The following MYF5 variants were observed in gnomAD, a reference collection of about 807,000 sequenced individuals.
MYF5 encodes the protein class C basic helix-loop-helix protein 2.
A neutral mutation model predicts 22.3 loss-of-function variants in MYF5; 20 were observed. That is an observed-to-expected ratio of 0.90 (90% CI 0.63 to 1.30). MYF5 has a LOEUF of 1.30. MYF5 is among the 50% of genes most tolerant of loss of function. The pLI, the probability that MYF5 is intolerant of heterozygous loss-of-function variation, is 0.00. For missense variants in MYF5, 348 were observed against 325.9 expected, an observed-to-expected ratio of 1.07 and a Z score of -0.52; for synonymous variants, 141 against 128.4, an observed-to-expected ratio of 1.10 and a Z score of -0.66.
Position 80,717,573 on chromosome 12 carries a change from T to C in MYF5, c.501+9T>C. ...ACTGCTCTGATGGCATGGTAAGCAATAGATCTGGTACCTGCTAGGCTACCC... is the reference window on the plus strand; with the variant it reads ...ACTGCTCTGATGGCATGGTAAGCAACAGATCTGGTACCTGCTAGGCTACCC... On this transcript the variant is annotated intron_variant, in intron 1 of 2. Coordinates refer to ENST00000228644, the MANE Select transcript of MYF5 (RefSeq NM_005593.3). The C allele has an allele frequency of 1.2e-6, 2 of 1,612,064 alleles. No individual in the cohort carries two copies. Among genetic ancestry groups the C allele is most frequent in the South Asian group, 1.1e-5 (1 of 90,986 alleles).
rs1163261 is a variant in MYF5, at chr12:80,716,986, A to G, written c.-78A>G. On this transcript the variant is annotated 5_prime_UTR_variant, in exon 1 of 3. Transcript: ENST00000228644. Reference sequence around the variant, plus strand: ...AGGGAGCTCCGCCCGGGATTTGCCCATCGGCGGAGGCGCCAGGCTCCCGTT... The same window carrying G: ...AGGGAGCTCCGCCCGGGATTTGCCCGTCGGCGGAGGCGCCAGGCTCCCGTT... 0.4 allele frequency: 614,255 copies of G among 1,517,218 alleles called. 131,451 individuals carry two copies. The highest frequency in any genetic ancestry group is 0.8 in the African/African-American group (58,521 of 72,980). 94.0% of individuals were successfully genotyped at this position (1,517,218 alleles called of 1,614,324 possible).
Position 80,717,482 on chromosome 12 carries a change from A to G in MYF5, c.419A>G (p.Glu140Gly), listed in dbSNP as rs377325364. 1.2e-6 allele frequency: 2 copies of G among 1,614,012 alleles called. No homozygotes were observed. The highest frequency in any genetic ancestry group is 2.7e-5 in the African/African-American group (2 of 74,918). Residue 140 changes from glutamate to glycine, a missense_variant, in exon 1 of 3, where the codon GAG becomes GGG. Glu to Gly is a moderately conservative substitution (Grantham distance 98). Coordinates refer to ENST00000228644, the MANE Select transcript of MYF5 (RefSeq NM_005593.3). ...YIESLQELLR[E>G]QVENYYSLPG... ...GAGAGCCTGCAGGAGTTGCTGAGAG[A>G]GCAGGTGGAGAACTACTATAGCCTG...
rs749750904 is a variant in MYF5 at position 80,718,374 on chromosome 12, C to T, written c.518C>T (p.Pro173Leu). 6.2e-7 allele frequency: 1 copy of T among 1,614,042 alleles called. No homozygotes were observed. The highest frequency in any genetic ancestry group is 1.1e-5 in the South Asian group (1 of 91,078). Reference sequence around the variant, plus strand: ...GTATTATAGCCCGAATGTAACAGTCCTGTCTGGTCCAGAAAGAGCAGTACT... The same window carrying T: ...GTATTATAGCCCGAATGTAACAGTCTTGTCTGGTCCAGAAAGAGCAGTACT... ...CSDGMPECNSPVWSRKSSTFD... is the reference protein window; with the variant it reads ...CSDGMPECNSLVWSRKSSTFD... Residue 173 changes from proline (P) to leucine (L), a missense_variant, in exon 2 of 3, where the codon CCT becomes CTT. Physicochemically the swap from Pro to Leu is moderately conservative, Grantham distance 98 (BLOSUM62 -3). Transcript: ENST00000228644.
At position 80,716,953 on chromosome 12, in the gene MYF5, G is replaced by T. The variant is rs1868614200; in HGVS notation, c.-111G>T. On this transcript the variant is annotated 5_prime_UTR_variant, in exon 1 of 3. Transcript: ENST00000228644. ...GTCTGCCCTTGTTAATTACCGGAGC[G>T]ACAGACTAGGGAGCTCCGCCCGGGA... 3.7e-6 allele frequency: 5 copies of T among 1,345,740 alleles called. No homozygotes were observed. Among genetic ancestry groups the T allele is most frequent in the African/African-American group, 1.5e-5 (1 of 68,384 alleles). The allele number at this position is 1,345,740 out of a possible 1,614,324, so 83.4% of individuals were successfully genotyped here. A position where few individuals can be genotyped will look rare whatever the true frequency, so the allele number is the denominator to read the frequency against.
chr12:80,717,801 G>A (rs893899538), intron 1 of MYF5, among the ~76,000 whole-genome samples: 1 of 152,162 alleles, frequency 6.6e-6, no homozygotes, highest in Admixed American at 6.5e-5. Context: ...TGGAAGATGG[G>A]TGGCTGTGAA....
chr12:80,717,146 T>C lies in MYF5; in HGVS notation c.83T>C (p.Phe28Ser), dbSNP rs761299418. 6.2e-7 allele frequency: 1 copy of C among 1,613,868 alleles called. No individual in the cohort carries two copies. Among genetic ancestry groups the C allele is most frequent in the South Asian group, 1.1e-5 (1 of 91,078 alleles). Reference sequence around the variant, plus strand: ...TGCATACCGTCCCCCGAGGGTGAATTTGGGGACGAGTTTGTGCCGCGAGTG... The same window carrying C: ...TGCATACCGTCCCCCGAGGGTGAATCTGGGGACGAGTTTGTGCCGCGAGTG... ...GSCIPSPEGE[F>S]GDEFVPRVAA... is the part of the protein sequence containing the mutation. The change falls in exon 1 of 3, where the codon TTT becomes TCT. Residue 28 changes from phenylalanine to serine, a missense_variant. Transcript: ENST00000228644.
At chr12:80,717,872 C>T (rs747424753) in intron 1 of MYF5, among the ~76,000 whole-genome samples, 2 of 152,152 alleles carry the variant, frequency 1.3e-5, no homozygotes, top group Non-Finnish European at 2.9e-5. Flanking sequence ...ATCTGTGGAT[C>T]ATGCCCTACG....
chr12:80,717,915 G>A (rs1430890633), intron 1 of MYF5, among the ~76,000 whole-genome samples: 1 of 152,150 alleles, frequency 6.6e-6, no homozygotes, highest in African/African-American at 2.4e-5. Flanking sequence ...CTAACTTAAT[G>A]AGGAAATGGA....
rs980758760 is a variant in MYF5 at position 80,716,952 on chromosome 12, C to A, written c.-112C>A. 1 of 1,323,094 alleles carries A rather than the reference C, an allele frequency of 7.6e-7. No individual in the cohort carries two copies. Among genetic ancestry groups the A allele is most frequent in the Non-Finnish European group, 1.0e-6 (1 of 976,866 alleles). The allele number at this position is 1,323,094 out of a possible 1,614,324, so 82.0% of individuals were successfully genotyped here. On this transcript the variant is annotated 5_prime_UTR_variant, in exon 1 of 3. Transcript: ENST00000228644. ...CGTCTGCCCTTGTTAATTACCGGAG[C>A]GACAGACTAGGGAGCTCCGCCCGGG... is the stretch of plus-strand genomic sequence containing the variant.
At position 80,719,140 on chromosome 12, in the gene MYF5, T is replaced by C. The variant is rs1041411237; in HGVS notation, c.*89T>C. The C allele has an allele frequency of 1.8e-5, 19 of 1,071,178 alleles. No individual in the cohort carries two copies. The highest frequency in any genetic ancestry group is 3.2e-5 in the African/African-American group (2 of 62,550). 66.4% of individuals were successfully genotyped at this position (1,071,178 alleles called of 1,614,324 possible). ...CAAAAAGTCCCAAACCAAGACAACATGTACATAAAGATTTCTTTTCAGTTG... is the reference window on the plus strand; with the variant it reads ...CAAAAAGTCCCAAACCAAGACAACACGTACATAAAGATTTCTTTTCAGTTG... On this transcript the variant is annotated 3_prime_UTR_variant, in exon 3 of 3. Transcript: ENST00000228644.
chr12:80,717,270 G>A lies in MYF5; in HGVS notation c.207G>A (p.Met69Ile), dbSNP rs145853686. 1.2e-6 allele frequency: 2 copies of A among 1,613,988 alleles called. No individual in the cohort carries two copies. Among genetic ancestry groups the A allele is most frequent in the African/African-American group, 1.3e-5 (1 of 74,918 alleles). The change falls in exon 1 of 3, where the codon ATG (methionine) becomes ATA (isoleucine). Residue 69 changes from methionine to isoleucine, a missense_variant. By Grantham distance (10) the Met-to-Ile change is conservative. Transcript: ENST00000228644. ...ACCACCAGGCTGGTCACTGCCTCAT[G>A]TGGGCCTGCAAAGCCTGCAAGAGGA... is the stretch of plus-strand genomic sequence containing the variant. ...TGHHQAGHCL[M>I]WACKACKRKS... is the part of the protein sequence containing the mutation.
Position 80,717,578 on chromosome 12 carries a change from C to A in MYF5, c.501+14C>A. ...TCTGATGGCATGGTAAGCAATAGAT[C>A]TGGTACCTGCTAGGCTACCCTAATC... On this transcript the variant is annotated intron_variant, in intron 1 of 2. Transcript: ENST00000228644. 6.2e-7 allele frequency: 1 copy of A among 1,610,216 alleles called. No homozygotes were observed. The highest frequency in any genetic ancestry group is 8.5e-7 in the Non-Finnish European group (1 of 1,177,288).
rs1321603549 is a variant in MYF5 at position 80,717,500 on chromosome 12, A to G, written c.437A>G (p.Tyr146Cys). Residue 146 changes from tyrosine to cysteine, a missense_variant, in exon 1 of 3, where the codon TAT becomes TGT. Coordinates refer to ENST00000228644, the MANE Select transcript of MYF5 (RefSeq NM_005593.3). ...CTGAGAGAGCAGGTGGAGAACTACT[A>G]TAGCCTGCCGGGACAGAGCTGCTCG... is the stretch of plus-strand genomic sequence containing the variant. The part of the protein sequence containing the change: ...ELLREQVENY[Y>C]SLPGQSCSEP... The G allele has an allele frequency of 1.9e-6, 3 of 1,613,978 alleles. No homozygotes were observed. In the Admixed American group the frequency reaches 5.0e-5, roughly 27 times the overall value.
chr12:80,718,923 A>G lies in MYF5; in HGVS notation c.640A>G (p.Ile214Val). 2 of 1,614,064 alleles carry G rather than the reference A, an allele frequency of 1.2e-6. No homozygotes were observed. Among genetic ancestry groups the G allele is most frequent in the African/African-American group, 1.3e-5 (1 of 75,010 alleles). The stretch of plus-strand genomic sequence containing the variant: ...TTGCTTATCCAACATAGTGGACCGG[A>G]TCACCTCCTCAGAGCAACCTGGGTT... ...LDCLSNIVDR[I>V]TSSEQPGLPL... Residue 214 changes from isoleucine (I) to valine (V), a missense_variant, in exon 3 of 3, where the codon ATC becomes GTC. Coordinates refer to ENST00000228644, the MANE Select transcript of MYF5 (RefSeq NM_005593.3).
At position 80,719,130 on chromosome 12, in the gene MYF5, C is replaced by T; in HGVS notation, c.*79C>T. The T allele has an allele frequency of 8.5e-7, 1 of 1,177,744 alleles. No homozygotes were observed. Among genetic ancestry groups the T allele is most frequent in the Non-Finnish European group, 1.2e-6 (1 of 839,812 alleles). The allele number at this position is 1,177,744 out of a possible 1,614,324, so 73.0% of individuals were successfully genotyped here. A position where few individuals can be genotyped will look rare whatever the true frequency, so the allele number is the denominator to read the frequency against. On this transcript the variant is annotated 3_prime_UTR_variant, in exon 3 of 3. Coordinates refer to ENST00000228644, the MANE Select transcript of MYF5 (RefSeq NM_005593.3). ...AAGAAGGCTTCAAAAAGTCCCAAAC[C>T]AAGACAACATGTACATAAAGATTTC...
intron 2 of MYF5, 39 bp from the exon 3 acceptor site, chr12:80,718,822 G>T (rs879130551): frequency 6.5e-7 from 1 of 1,531,438 alleles, no homozygotes; most frequent in Non-Finnish European, 9.0e-7. Flanking sequence ...TCTATCTTGG[G>T]CTAATTATTT....
At position 80,719,175 on chromosome 12, in the gene MYF5, A is replaced by G; in HGVS notation, c.*124A>G. The G allele has an allele frequency of 1.4e-6, 1 of 734,446 alleles. No individual in the cohort carries two copies. Among genetic ancestry groups the G allele is most frequent in the Non-Finnish European group, 2.1e-6 (1 of 478,656 alleles). The allele number at this position is 734,446 out of a possible 1,614,324, so 45.5% of individuals were successfully genotyped here. A position where few individuals can be genotyped will look rare whatever the true frequency, so the allele number is the denominator to read the frequency against. On this transcript the variant is annotated 3_prime_UTR_variant, in exon 3 of 3. Transcript: ENST00000228644. ...GATTTCTTTTCAGTTGTAAATTTGTAAAGATTACCTTGCCACTTTATAAGA... is the reference window on the plus strand; with the variant it reads ...GATTTCTTTTCAGTTGTAAATTTGTGAAGATTACCTTGCCACTTTATAAGA...
At chr12:80,718,568 A>T (rs1166940719) in intron 2 of MYF5, 135 bp downstream of exon 2, 1 of 824,800 alleles carries the variant, frequency 1.2e-6, no homozygotes, top group Non-Finnish European at 2.0e-6. Flanking sequence ...GCTTTGGTAA[A>T]GCAAAATAAA....
In MYF5 at chr12:80,716,935, C is replaced by T; in HGVS notation, c.-129C>T. 2 of 1,186,992 alleles carry T rather than the reference C, an allele frequency of 1.7e-6. No individual in the cohort carries two copies. The highest frequency in any genetic ancestry group is 3.1e-5 in the African/African-American group (2 of 65,116). The allele number at this position is 1,186,992 out of a possible 1,614,324, so 73.5% of individuals were successfully genotyped here. A position where few individuals can be genotyped will look rare whatever the true frequency, so the allele number is the denominator to read the frequency against. On this transcript the variant is annotated 5_prime_UTR_variant, in exon 1 of 3. Coordinates refer to ENST00000228644, the MANE Select transcript of MYF5 (RefSeq NM_005593.3). The stretch of plus-strand genomic sequence containing the variant: ...CTACCCAGGCCAACAGGCGTCTGCC[C>T]TTGTTAATTACCGGAGCGACAGACT...
Sources: allele counts gnomAD v4.1 joint callset (sites outside exome capture counted in the v4.1 genomes callset), GRCh38; gene constraint gnomAD v4.1.1; transcripts MANE v1.5; gene names NCBI Gene and HGNC (gene_info 2026-07-23, HGNC 2026-07-21).